DIP2B: variants seen among roughly 807,000 people sequenced by gnomAD.
The protein encoded by DIP2B is disco-interacting protein 2 homolog B.
A neutral mutation model predicts 198.0 loss-of-function variants in DIP2B; 76 were observed. The ratio of observed to expected loss-of-function variants is 0.38; its 90% CI spans 0.32 to 0.46. The LOEUF (loss-of-function observed/expected upper bound fraction) is 0.46, where lower values mean the gene tolerates loss of function less well. Among genes scored for constraint, DIP2B ranks in the 20% least tolerant of loss-of-function variants. The pLI is 0.99. For synonymous variants in DIP2B, 701 were observed against 739.1 expected (o/e 0.95, Z 0.84); for missense variants, 1,559 against 1,978.4 (o/e 0.79, Z 4.02).
chr12:50,603,210 A>T (rs1958953773), intron 1 of DIP2B, among the ~76,000 whole-genome samples: 1 of 151,692 alleles, frequency 6.6e-6, no homozygotes, highest in Non-Finnish European at 1.5e-5. Flanking sequence ...ACACATAACT[A>T]TTTTTTCTCA....
intron 1 of DIP2B, among the ~76,000 whole-genome samples, chr12:50,539,433 C>G (rs930281703): frequency 1.3e-5 from 2 of 151,874 alleles, no homozygotes; most frequent in African/African-American, 4.8e-5. Context: ...GCCTGGCCAA[C>G]ATGGTGAAAC....
At position 50,747,252 on chromosome 12, in the gene DIP2B, C is replaced by T. The variant is rs1187510711; in HGVS notation, c.*2413C>T. Reference sequence around the variant, plus strand: ...ATATTAGACAGTGCAGATCTATACTCATTCCTTCAAATACATTACTCTGTT... The same window carrying T: ...ATATTAGACAGTGCAGATCTATACTTATTCCTTCAAATACATTACTCTGTT... On this transcript the variant is annotated 3_prime_UTR_variant, in exon 38 of 38. Coordinates refer to ENST00000301180, the MANE Select transcript of DIP2B (RefSeq NM_173602.3). 1 of 152,188 alleles carries T rather than the reference C, an allele frequency of 6.6e-6. No individual in the cohort carries two copies. The highest frequency in any genetic ancestry group is 2.4e-5 in the African/African-American group (1 of 41,438). The allele number at this position is 152,188 out of a possible 1,614,324, so 9.4% of individuals were successfully genotyped here.
intron 3 of DIP2B, among the ~76,000 whole-genome samples, chr12:50,643,687 T>C (rs1163030658): frequency 1.3e-5 from 2 of 152,076 alleles, no homozygotes; most frequent in Admixed American, 1.3e-4. Context: ...ATTGAGTCTC[T>C]GAGAATTCTG....
At chr12:50,536,287 A>ACATACATACATG (rs1958266146) in intron 1 of DIP2B, among the ~76,000 whole-genome samples, 1 of 151,758 alleles carries the variant, frequency 6.6e-6, no homozygotes, top group Admixed American at 6.6e-5. Flanking sequence ...ATACATACAT[A>ACATACATACATG]CATACATACA....
At chr12:50,663,863 C>T (rs1938699292) in intron 4 of DIP2B, among the ~76,000 whole-genome samples, 1 of 142,266 alleles carries the variant, frequency 7.0e-6, no homozygotes, top group African/African-American at 2.6e-5. Context: ...GAGTGAGGCC[C>T]CATCTCTTTA....
chr12:50,521,705 A>T (rs1958121724), intron 1 of DIP2B, among the ~76,000 whole-genome samples: 1 of 151,546 alleles, frequency 6.6e-6, no homozygotes, highest in South Asian at 2.1e-4. Context: ...CGTGTTAGCC[A>T]GGCTGGTCTT....
chr12:50,675,222 T>G (rs1312617066), intron 6 of DIP2B, 107 bp from the exon 7 acceptor site: 1 of 1,414,076 alleles, frequency 7.1e-7, no homozygotes, highest in Admixed American at 2.3e-5. Flanking sequence ...AGAAGGAAAC[T>G]GGACAAACGC....
chr12:50,658,065 A>G (rs564024825), intron 3 of DIP2B, among the ~76,000 whole-genome samples: 57 of 151,362 alleles, frequency 3.8e-4, no homozygotes, highest in African/African-American at 1.4e-3. Flanking sequence ...CCTAGGCAGC[A>G]TACATAGCAA....
At chr12:50,668,021 T>C (rs529466103) in intron 4 of DIP2B, among the ~76,000 whole-genome samples, 1 of 152,294 alleles carries the variant, frequency 6.6e-6, no homozygotes, top group Admixed American at 6.5e-5. Flanking sequence ...TGACTATCAG[T>C]CTTGCATCTG....
At position 50,668,895 on chromosome 12, in the gene DIP2B, C is replaced by T. The variant is rs186706412; in HGVS notation, c.428-2291C>T. Among the ~76,000 whole-genome samples the T allele has an allele frequency of 3.2e-3, 488 of 152,198 alleles. 2 individuals carry two copies. Among genetic ancestry groups the T allele is most frequent in the African/African-American group, 0.011 (468 of 41,534 alleles). On this transcript the variant is annotated intron_variant, in intron 4 of 37. Transcript: ENST00000301180. ...TTCTGAAAATTACACAAAATGCTTT[C>T]CTTAAAGGGGTACAGATGTGATTAC...
intron 15 of DIP2B, 81 bp from the exon 16 acceptor site, chr12:50,695,767 G>A (rs1337102787): frequency 3.2e-6 from 5 of 1,555,450 alleles, no homozygotes; most frequent in Non-Finnish European, 3.5e-6. Flanking sequence ...CCCCAAATAA[G>A]TAAAAATGTT....
chr12:50,669,556 C>T (rs141491706), intron 4 of DIP2B, among the ~76,000 whole-genome samples: 4,558 of 152,228 alleles, frequency 0.03, 228 homozygotes, highest in East Asian at 0.18. Context: ...TCCCGAGTAG[C>T]TGGAATTACA....
At chr12:50,648,425 C>G (rs544266837) in intron 3 of DIP2B, among the ~76,000 whole-genome samples, 1 of 152,060 alleles carries the variant, frequency 6.6e-6, no homozygotes, top group East Asian at 1.9e-4. Flanking sequence ...GTCCAGTGGC[C>G]CGATCTCGGC....
intron 1 of DIP2B, among the ~76,000 whole-genome samples, chr12:50,603,742 G>C (rs749659578): frequency 3.3e-5 from 5 of 152,080 alleles, no homozygotes; most frequent in Non-Finnish European, 5.9e-5. Context: ...AAAGACTCAA[G>C]TCATTTTGTG....
chr12:50,699,071 A>T lies in DIP2B; in HGVS notation c.2194A>T (p.Met732Leu), dbSNP rs780146748. 1.9e-6 allele frequency: 3 copies of T among 1,614,116 alleles called. 1 individual carries two copies. The highest frequency in any genetic ancestry group is 1.3e-5 in the African/African-American group (1 of 75,030). ...CTGTATTTTCTGTACGTTAGGGATG[A>T]TGTGCATTGTGAAACCAGATGGACC... ...DVGHVMPGGM[M>L]CIVKPDGPPQ... The change falls in exon 19 of 38, where the codon ATG (methionine) becomes TTG (leucine). Residue 732 changes from methionine (M) to leucine (L), a missense_variant. Coordinates refer to ENST00000301180, the MANE Select transcript of DIP2B (RefSeq NM_173602.3).
At chr12:50,524,354 T>G (rs914766872) in intron 1 of DIP2B, among the ~76,000 whole-genome samples, 50 of 152,200 alleles carry the variant, frequency 3.3e-4, no homozygotes, top group African/African-American at 1.2e-3. Flanking sequence ...GCTTTATAGC[T>G]CTTCCATGAA....
intron 1 of DIP2B, among the ~76,000 whole-genome samples, chr12:50,567,386 A>C (rs957917631): frequency 6.6e-6 from 1 of 152,184 alleles, no homozygotes; most frequent in South Asian, 2.1e-4. Context: ...GTGTAGCTTC[A>C]TGTAACTACT....
intron 1 of DIP2B, among the ~76,000 whole-genome samples, chr12:50,519,809 T>TG (rs542465403): frequency 8.2e-4 from 11 of 13,402 alleles, no homozygotes; most frequent in African/African-American, 2.9e-3. Flanking sequence ...TTCTTGGAGG[T>TG]TTTTTTTTTT....
intron 1 of DIP2B, among the ~76,000 whole-genome samples, chr12:50,583,686 G>A (rs774859630): frequency 2.6e-5 from 4 of 152,010 alleles, no homozygotes; most frequent in Non-Finnish European, 4.4e-5. Flanking sequence ...TTCTATTTAC[G>A]ATGGGTTTAT....
Sources: gnomAD v4.1 joint callset for allele counts (sites outside exome capture counted in the v4.1 genomes callset) on GRCh38, gnomAD v4.1.1 for gene constraint, MANE v1.5 for transcripts, NCBI Gene and HGNC (gene_info 2026-07-23, HGNC 2026-07-21) for gene names.